Variants in ZC3H12B observed in about 807,000 individuals in gnomAD.
The protein encoded by ZC3H12B is probable ribonuclease ZC3H12B.
Under a neutral mutation model 43.9 loss-of-function variants are expected in ZC3H12B, and 7 were observed. That is an observed-to-expected ratio of 0.16 (90% CI 0.09 to 0.30). The LOEUF is 0.30. Ranked by LOEUF, ZC3H12B falls within the 10% of genes least tolerant of loss-of-function variation. The probability of loss-of-function intolerance (pLI) is 1.00; values close to 1 mark genes in which losing one functional copy is unlikely to be tolerated. For missense variants in ZC3H12B, 475 were observed against 670.2 expected, an observed-to-expected ratio of 0.71 and a Z score of 3.22; for synonymous variants, 222 against 241.7, an observed-to-expected ratio of 0.92 and a Z score of 0.76.
At chrX:65,193,221 G>A in the ZC3H12B span, among the ~76,000 whole-genome samples, 1 of 109,924 alleles carries the variant, frequency 9.1e-6, no homozygotes, top group Non-Finnish European at 1.9e-5. Flanking sequence ...TTTTGGAATA[G>A]TTTAAGGAGG....
the ZC3H12B span, among the ~76,000 whole-genome samples, chrX:65,219,212 C>T: frequency 9.0e-6 from 1 of 111,662 alleles, no homozygotes; most frequent in Non-Finnish European, 1.9e-5. Flanking sequence ...ACATAGTCTA[C>T]CCAAATGAGA....
intron 3 of ZC3H12B, among the ~76,000 whole-genome samples, chrX:65,403,429 A>C (rs1438190170): frequency 8.9e-6 from 1 of 112,039 alleles, no homozygotes; most frequent in Non-Finnish European, 1.9e-5. Flanking sequence ...ATAATAAAAG[A>C]GATATTTTCA....
At chrX:65,494,637 T>G in intron 1 of ZC3H12B, among the ~76,000 whole-genome samples, 1 of 109,090 alleles carries the variant, frequency 9.2e-6, no homozygotes, top group Middle Eastern at 4.6e-3. Flanking sequence ...AAAAATTAGC[T>G]GGGCATGTTG....
the ZC3H12B span, among the ~76,000 whole-genome samples, chrX:65,091,409 G>A: frequency 2.7e-5 from 3 of 112,333 alleles, no homozygotes; most frequent in African/African-American, 9.7e-5. Context: ...GAGAATAAGT[G>A]TTTGTTGTTT....
intron 2 of ZC3H12B, among the ~76,000 whole-genome samples, chrX:65,377,958 G>T (rs1602342387): frequency 9.0e-6 from 1 of 110,510 alleles, no homozygotes; most frequent in South Asian, 3.9e-4. Flanking sequence ...AATTAACCGG[G>T]CATGGTGGCT....
the ZC3H12B span, among the ~76,000 whole-genome samples, chrX:65,039,369 A>G: frequency 3.6e-5 from 4 of 112,013 alleles, no homozygotes; most frequent in African/African-American, 3.2e-5. Flanking sequence ...TTAAAATGCA[A>G]TAAATATTAA....
At chrX:65,074,892 A>G in the ZC3H12B span, among the ~76,000 whole-genome samples, 6 of 112,125 alleles carry the variant, frequency 5.4e-5, no homozygotes, top group Non-Finnish European at 1.1e-4. Flanking sequence ...GAGCATCCTT[A>G]TGATGGATAT....
the ZC3H12B span, among the ~76,000 whole-genome samples, chrX:65,140,799 A>G: frequency 1.8e-5 from 2 of 111,468 alleles, no homozygotes; most frequent in African/African-American, 6.5e-5. Context: ...CAGACTTGTT[A>G]GGTTGTATGC....
In ZC3H12B at chrX:65,426,451, T is replaced by C. The variant is rs983644867; in HGVS notation, n.407+27747T>C. On this transcript the variant is annotated intron_variant and non_coding_transcript_variant, in intron 3 of 5. Coordinates refer to the ZC3H12B transcript ENST00000617377. ...TGGATTTGCTGATTTTTTGAAAGGT[T>C]TTCAGTGTCACTATCTCCTTCAATT... 8.2e-5 allele frequency among the ~76,000 whole-genome samples: 9 copies of C among 109,140 alleles called. 1 individual carries two copies. The highest frequency in any genetic ancestry group is 2.7e-4 in the African/African-American group (8 of 30,067). The allele number at this position is 109,140 out of a possible 115,157, so 94.8% of individuals were successfully genotyped here.
At chrX:65,304,930 G>A in the ZC3H12B span, among the ~76,000 whole-genome samples, 2 of 111,626 alleles carry the variant, frequency 1.8e-5, no homozygotes, top group Non-Finnish European at 3.8e-5. Context: ...CATTGTACAA[G>A]TGTAATAAAT....
chrX:65,301,720 G>T, the ZC3H12B span, among the ~76,000 whole-genome samples: 9 of 110,912 alleles, frequency 8.1e-5, no homozygotes, highest in Non-Finnish European at 1.5e-4. Flanking sequence ...AGGTGGGATG[G>T]GTGGGGGAAA....
chrX:65,380,756 G>A (rs771425222), intron 2 of ZC3H12B, among the ~76,000 whole-genome samples: 2 of 111,707 alleles, frequency 1.8e-5, no homozygotes, highest in African/African-American at 6.5e-5. Context: ...TAAAAGGATG[G>A]AGGAAGATCT....
At chrX:65,219,514 T>A in the ZC3H12B span, among the ~76,000 whole-genome samples, 1 of 111,117 alleles carries the variant, frequency 9.0e-6, no homozygotes, top group Non-Finnish European at 1.9e-5. Flanking sequence ...TGAAATGCAC[T>A]GTAAAGTCTC....
the ZC3H12B span, among the ~76,000 whole-genome samples, chrX:65,116,570 C>CT: frequency 8.2e-5 from 9 of 109,531 alleles, no homozygotes; most frequent in African/African-American, 1.3e-4. Flanking sequence ...GATTTTTTTT[C>CT]TTTTTTTTAT....
chrX:65,256,293 C>A, the ZC3H12B span, among the ~76,000 whole-genome samples: 1 of 111,835 alleles, frequency 8.9e-6, no homozygotes, highest in African/African-American at 3.2e-5. Context: ...GGACATAAAA[C>A]CATTTCCAGC....
chrX:65,300,733 G>C, the ZC3H12B span, among the ~76,000 whole-genome samples: 1 of 111,204 alleles, frequency 9.0e-6, no homozygotes, highest in Non-Finnish European at 1.9e-5. Context: ...GCCATCTTCT[G>C]ACTAAACCAA....
chrX:65,322,601 G>C, the ZC3H12B span, among the ~76,000 whole-genome samples: 1 of 111,627 alleles, frequency 9.0e-6, no homozygotes, highest in South Asian at 3.7e-4. Context: ...ATTTGTCTCC[G>C]TGTCTGTTTT....
At chrX:65,469,310 C>T (rs924827514) in intron 3 of ZC3H12B, 2 of 314,250 alleles carry the variant, frequency 6.4e-6, no homozygotes, top group Non-Finnish European at 1.2e-5. Flanking sequence ...ACAAGAAGAA[C>T]GAGGTCTTCA....
chrX:65,176,759 A>G, the ZC3H12B span, among the ~76,000 whole-genome samples: 2 of 111,849 alleles, frequency 1.8e-5, no homozygotes, highest in East Asian at 2.8e-4. Context: ...CAGACCAATA[A>G]CAAGTTCTGA....
Sources: gnomAD v4.1 joint callset for allele counts (sites outside exome capture counted in the v4.1 genomes callset) on GRCh38, gnomAD v4.1.1 for gene constraint, MANE v1.5 for transcripts, NCBI Gene and HGNC (gene_info 2026-07-23, HGNC 2026-07-21) for gene names.